PSD3: variants seen among roughly 807,000 people sequenced by gnomAD.
PSD3 encodes PH and SEC7 domain-containing protein 3.
A neutral mutation model predicts 105.5 loss-of-function variants in PSD3; 49 were observed. The observed-to-expected ratio is 0.46, with a 90% CI of 0.37 to 0.59. The LOEUF (loss-of-function observed/expected upper bound fraction) is 0.59. Among genes scored for constraint, PSD3 ranks in the 20% least tolerant of loss-of-function variants. The probability of loss-of-function intolerance (pLI) is 0.00; values close to 1 mark genes in which losing one functional copy is unlikely to be tolerated. For synonymous variants in PSD3, 557 were observed against 457.8 expected, an observed-to-expected ratio of 1.22 and a Z score of -2.77; for missense variants, 1,561 against 1,263.8, an observed-to-expected ratio of 1.24 and a Z score of -3.57.
At chr8:18,783,598 G>A (rs1808845144) in intron 8 of PSD3, among the ~76,000 whole-genome samples, 2 of 152,174 alleles carry the variant, frequency 1.3e-5, no homozygotes, top group Admixed American at 1.3e-4. Flanking sequence ...TTCATCAGCT[G>A]TATACCATAA....
At chr8:18,949,244 A>AAAAAAAAAAAAAAAAAAATATATAT (rs1345423514) in intron 1 of PSD3, among the ~76,000 whole-genome samples, 1 of 14,408 alleles carries the variant, frequency 6.9e-5, no homozygotes, top group Non-Finnish European at 1.8e-4. Flanking sequence ...AAAAAAAAAA[A>AAAAAAAAAAAAAAAAAAATATATAT]ATATATATAT....
At chr8:18,817,539 G>A (rs1193484377) in intron 4 of PSD3, among the ~76,000 whole-genome samples, 1 of 152,152 alleles carries the variant, frequency 6.6e-6, no homozygotes, top group African/African-American at 2.4e-5. Context: ...CAGTACAACT[G>A]TCCTAAATCA....
chr8:18,535,617 A>C lies in PSD3; in HGVS notation c.*126T>G, dbSNP rs1799804944. 1 of 788,160 alleles carries C rather than the reference A, an allele frequency of 1.3e-6. No homozygotes were observed. Among genetic ancestry groups the C allele is most frequent in the Non-Finnish European group, 2.0e-6 (1 of 490,670 alleles). 48.8% of individuals were successfully genotyped at this position (788,160 alleles called of 1,614,324 possible). A position where few individuals can be genotyped will look rare whatever the true frequency, so the allele number is the denominator to read the frequency against. On this transcript the variant is annotated 3_prime_UTR_variant, in exon 16 of 16. Transcript: ENST00000327040. ...AGAAACTAACAAAAATATACAATAGAAAAAATTACTAATGCACCGTTTTGT... is the reference window on the plus strand; with the variant it reads ...AGAAACTAACAAAAATATACAATAGCAAAAATTACTAATGCACCGTTTTGT...
At chr8:18,537,486 T>G (rs1380106882) in intron 15 of PSD3, among the ~76,000 whole-genome samples, 4 of 152,192 alleles carry the variant, frequency 2.6e-5, no homozygotes, top group Admixed American at 2.0e-4. Context: ...TACTCTCATG[T>G]GCCTTTCACT....
chr8:18,694,336 C>T (rs1327263853), intron 9 of PSD3, among the ~76,000 whole-genome samples: 3 of 152,222 alleles, frequency 2.0e-5, no homozygotes, highest in African/African-American at 4.8e-5. Context: ...TCCAGCCAGG[C>T]GCGGTGGCGC....
intron 2 of PSD3, among the ~76,000 whole-genome samples, chr8:18,897,049 C>A (rs187509857): frequency 2.0e-5 from 3 of 150,952 alleles, no homozygotes; most frequent in African/African-American, 4.9e-5. Context: ...TCAGGTGATC[C>A]GCCCACCTGA....
At chr8:18,782,087 T>G (rs148562303) in intron 8 of PSD3, among the ~76,000 whole-genome samples, 2 of 152,280 alleles carry the variant, frequency 1.3e-5, no homozygotes, top group East Asian at 3.9e-4. Flanking sequence ...GGTGAAATGT[T>G]TCTTTGCATT....
At chr8:18,901,452 C>T (rs1217445098) in intron 2 of PSD3, among the ~76,000 whole-genome samples, 1 of 152,144 alleles carries the variant, frequency 6.6e-6, no homozygotes, top group African/African-American at 2.4e-5. Context: ...CGAGAACACA[C>T]TCTTGTTATT....
At chr8:18,768,142 C>T (rs1266189209) in intron 8 of PSD3, among the ~76,000 whole-genome samples, 3 of 127,416 alleles carry the variant, frequency 2.4e-5, no homozygotes, top group Non-Finnish European at 3.5e-5. Context: ...AAAAAATAGC[C>T]GGATGTCATG....
At chr8:18,996,270 G>C (rs1219284953) in intron 1 of PSD3, among the ~76,000 whole-genome samples, 2 of 151,868 alleles carry the variant, frequency 1.3e-5, no homozygotes, top group African/African-American at 4.8e-5. Flanking sequence ...GGGAATCTGT[G>C]CCTCAGATGA....
chr8:19,074,105 T>C (rs1026696231), intron 1 of PSD3, among the ~76,000 whole-genome samples: 1 of 152,172 alleles, frequency 6.6e-6, no homozygotes, highest in Non-Finnish European at 1.5e-5. Context: ...GAATTGTTTA[T>C]GTGCTGCCTC....
intron 14 of PSD3, among the ~76,000 whole-genome samples, chr8:18,560,175 T>TACACAAAC (rs1491434497): frequency 7.0e-6 from 1 of 143,342 alleles, no homozygotes; most frequent in African/African-American, 2.6e-5. Context: ...ATACACATTT[T>TACACAAAC]ACACACACAC....
chr8:19,068,278 C>G (rs1829142235), intron 1 of PSD3, among the ~76,000 whole-genome samples: 1 of 151,546 alleles, frequency 6.6e-6, no homozygotes, highest in African/African-American at 2.4e-5. Context: ...TCTCGCTCTA[C>G]TCTTCCTCCT....
rs1468335820 is a variant in PSD3 at position 18,534,387 on chromosome 8, T to C, written c.*1356A>G. The C allele has an allele frequency of 2.0e-5, 3 of 152,630 alleles. No individual in the cohort carries two copies. Among genetic ancestry groups the C allele is most frequent in the African/African-American group, 7.2e-5 (3 of 41,458 alleles). The allele number at this position is 152,630 out of a possible 1,614,324, so 9.5% of individuals were successfully genotyped here. A position where few individuals can be genotyped will look rare whatever the true frequency, so the allele number is the denominator to read the frequency against. ...TCCTTTCTCTTCCTCTACAGAAGAA[T>C]ATTCTGTTTATCACCCTGAACTTCA... On this transcript the variant is annotated 3_prime_UTR_variant, in exon 16 of 16. Coordinates refer to ENST00000327040, the MANE Select transcript of PSD3 (RefSeq NM_015310.4).
intron 4 of PSD3, among the ~76,000 whole-genome samples, chr8:18,829,235 T>C (rs1176635632): frequency 1.3e-5 from 2 of 152,124 alleles, no homozygotes; most frequent in Admixed American, 6.5e-5. Context: ...AGAGACCCTG[T>C]CTCCAAGAAA....
chr8:18,632,239 T>C (rs1046571964), intron 11 of PSD3, among the ~76,000 whole-genome samples: 1 of 152,064 alleles, frequency 6.6e-6, no homozygotes, highest in Admixed American at 6.6e-5. Context: ...AAATTCAACC[T>C]TTCCCTCAAC....
At chr8:18,668,613 C>A (rs1799613916) in intron 9 of PSD3, among the ~76,000 whole-genome samples, 1 of 152,182 alleles carries the variant, frequency 6.6e-6, no homozygotes, top group Admixed American at 6.5e-5. Context: ...ACAGGTCTTT[C>A]CTAAGCCATA....
At chr8:18,849,589 C>T (rs914134090) in intron 4 of PSD3, 1 of 152,194 alleles carries the variant, frequency 6.6e-6, no homozygotes, top group African/African-American at 2.4e-5. Context: ...ACAACTATGG[C>T]AACAGCATTC....
chr8:18,705,797 A>C (rs1801861299), intron 9 of PSD3, among the ~76,000 whole-genome samples: 1 of 152,064 alleles, frequency 6.6e-6, no homozygotes, highest in African/African-American at 2.4e-5. Context: ...TTTGGAGGGG[A>C]ATGAGTATTC....
Sources: gnomAD v4.1 joint callset for allele counts (sites outside exome capture counted in the v4.1 genomes callset) on GRCh38, gnomAD v4.1.1 for gene constraint, MANE v1.5 for transcripts, NCBI Gene and HGNC (gene_info 2026-07-23, HGNC 2026-07-21) for gene names.